Variants in KNL1 observed in about 807,000 individuals in gnomAD.
KNL1 encodes the protein kinetochore scaffold 1.
A neutral mutation model predicts 201.3 loss-of-function variants in KNL1; 66 were observed. The observed-to-expected ratio is 0.33, with a 90% CI of 0.27 to 0.40. The LOEUF (loss-of-function observed/expected upper bound fraction) is 0.40. Ranked by LOEUF, KNL1 falls within the 10% of genes least tolerant of loss-of-function variation. The probability of loss-of-function intolerance (pLI) is 1.00; values close to 1 mark genes in which losing one functional copy is unlikely to be tolerated. For synonymous variants in KNL1, 895 were observed against 899.2 expected, an observed-to-expected ratio of 1.00 and a Z score of 0.08; for missense variants, 2,815 against 2,690.5, an observed-to-expected ratio of 1.05 and a Z score of -1.02.
At chr15:40,609,244 CAAAA>C (rs35081212) in intron 5 of KNL1, among the ~76,000 whole-genome samples, 1 of 52,126 alleles carries the variant, frequency 1.9e-5, no homozygotes. Context: ...CCCATCTCTA[CAAAA>C]AAAAAAAAAA....
intron 14 of KNL1, among the ~76,000 whole-genome samples, chr15:40,643,996 G>A (rs1050472641): frequency 6.6e-6 from 1 of 152,132 alleles, no homozygotes; most frequent in African/African-American, 2.4e-5. Context: ...ATTTCTAGTC[G>A]GATGGGACGA....
intron 8 of KNL1, among the ~76,000 whole-genome samples, chr15:40,616,308 G>A (rs976113889): frequency 3.3e-5 from 5 of 150,864 alleles, no homozygotes; most frequent in Admixed American, 6.6e-5. Context: ...TGTATTTTTA[G>A]TAGAGACAGG....
At chr15:40,650,619 C>T (rs1176376449) in intron 19 of KNL1, 36 bp downstream of exon 19, 1 of 1,518,444 alleles carries the variant, frequency 6.6e-7, no homozygotes, top group Non-Finnish European at 8.8e-7. Context: ...AAATATAATG[C>T]TAAATCACAG....
At chr15:40,629,169 A>G (rs2141731846) in intron 12 of KNL1, 104 bp from the exon 13 acceptor site, 1 of 591,240 alleles carries the variant, frequency 1.7e-6, no homozygotes. Flanking sequence ...TAATATTTCC[A>G]TAAATGTATA....
rs760169073 is a variant in KNL1 at position 40,662,171 on chromosome 15, T to G, written c.6934T>G (p.Cys2312Gly). ...KQIYQDLFQD[C>G]HFYH ...AATTTACCAAGATCTGTTTCAGGAC[T>G]GCCATTTCTACCACTAGACCCTTGG... is the stretch of plus-strand genomic sequence containing the variant. Residue 2312 changes from cysteine to glycine, a missense_variant, in exon 26 of 26, where the codon TGC (cysteine) becomes GGC (glycine). Cys to Gly is a radical substitution (Grantham distance 159). Around this residue, in one of 3 missense-constraint regions of KNL1, gnomAD observed 334 missense variants for 362.6 expected, o/e 0.92. Transcript: ENST00000399668. The G allele has an allele frequency of 1.2e-6, 2 of 1,602,728 alleles. No individual in the cohort carries two copies. The highest frequency in any genetic ancestry group is 4.5e-5 in the East Asian group (2 of 44,840).
Position 40,623,796 on chromosome 15 carries a change from G to A in KNL1, c.3532G>A (p.Ala1178Thr). Reference protein sequence around the residue: ...DSHTVFIDCQATEKILEENPK... With the variant: ...DSHTVFIDCQTTEKILEENPK... Reference sequence around the variant, plus strand: ...CCATACTGTTTTCATTGACTGTCAAGCCACAGAGAAAATACTTGAAGAAAA... The same window carrying A: ...CCATACTGTTTTCATTGACTGTCAAACCACAGAGAAAATACTTGAAGAAAA... The change falls in exon 10 of 26, where the codon GCC becomes ACC. Residue 1178 changes from alanine (A) to threonine (T), a missense_variant. Transcript: ENST00000399668. The A allele has an allele frequency of 6.2e-7, 1 of 1,613,752 alleles. No individual in the cohort carries two copies. The highest frequency in any genetic ancestry group is 1.3e-5 in the African/African-American group (1 of 74,984).
chr15:40,611,412 T>G (rs761796516), intron 6 of KNL1, 66 bp from the exon 7 acceptor site: 2 of 182,874 alleles, frequency 1.1e-5, no homozygotes, highest in South Asian at 1.7e-4. Context: ...CAGCTGTCCT[T>G]AAGTAATTTT....
chr15:40,619,102 A>ACTG, intron 9 of KNL1, 91 bp downstream of exon 9: 1 of 905,902 alleles, frequency 1.1e-6, no homozygotes, highest in South Asian at 1.4e-5. Flanking sequence ...TAGTTTAGGG[A>ACTG]TGACTTAAAA....
intron 19 of KNL1, 57 bp downstream of exon 19, chr15:40,650,640 G>T: frequency 6.9e-7 from 1 of 1,442,610 alleles, no homozygotes; most frequent in South Asian, 1.4e-5. Flanking sequence ...AAGGCTAGAT[G>T]ACTTCCTGCC....
chr15:40,613,250 AGC>A (rs1004515242), intron 7 of KNL1, among the ~76,000 whole-genome samples: 8 of 151,758 alleles, frequency 5.3e-5, no homozygotes, highest in Non-Finnish European at 1.2e-4. Context: ...GAAGAAGAAA[AGC>A]GTGTGTGTGT....
chr15:40,631,087 C>T (rs1391205744), intron 13 of KNL1, among the ~76,000 whole-genome samples: 1 of 151,962 alleles, frequency 6.6e-6, no homozygotes, highest in Admixed American at 6.6e-5. Context: ...CACTGCACTC[C>T]AGCCTAGGCA....
intron 25 of KNL1, among the ~76,000 whole-genome samples, chr15:40,661,669 C>G (rs1177184288): frequency 6.6e-6 from 1 of 152,164 alleles, no homozygotes; most frequent in Non-Finnish European, 1.5e-5. Context: ...CAGAAATGCT[C>G]ATTTGTGCTT....
Position 40,664,321 on chromosome 15 carries a change from A to G in KNL1, c.*2133A>G, listed in dbSNP as rs1893994403. The G allele has an allele frequency of 5.8e-6, 1 of 171,696 alleles. No homozygotes were observed. Among genetic ancestry groups the G allele is most frequent in the South Asian group, 2.0e-4 (1 of 4,986 alleles). The allele number at this position is 171,696 out of a possible 1,614,324, so 10.6% of individuals were successfully genotyped here. ...AAAGCAGATTACATTTTGCACTATT[A>G]AAATAAGTTTATTACTTTAAATCTT... On this transcript the variant is annotated 3_prime_UTR_variant, in exon 26 of 26. Transcript: ENST00000399668.
intron 2 of KNL1, among the ~76,000 whole-genome samples, chr15:40,604,025 A>G (rs896021191): frequency 2.0e-5 from 3 of 151,914 alleles, no homozygotes; most frequent in African/African-American, 7.3e-5. Flanking sequence ...TTTGCCCCAG[A>G]CCTGTTTTAG....
chr15:40,616,354 T>G (rs2141713983), intron 8 of KNL1, among the ~76,000 whole-genome samples: 1 of 149,340 alleles, frequency 6.7e-6, no homozygotes, highest in East Asian at 2.0e-4. Flanking sequence ...CTCAAACTCC[T>G]GACCTCAGGT....
intron 1 of KNL1, among the ~76,000 whole-genome samples, chr15:40,598,170 G>C (rs1423708840): frequency 1.4e-5 from 2 of 142,160 alleles, no homozygotes; most frequent in African/African-American, 5.2e-5. Context: ...GGGAAACTCC[G>C]TCTCAAAAAA....
intron 21 of KNL1, among the ~76,000 whole-genome samples, chr15:40,652,455 CTTTT>C (rs35374662): frequency 8.3e-6 from 1 of 120,064 alleles, no homozygotes. Context: ...GCTGGAGATT[CTTTT>C]TTTTTTTTTT....
intron 13 of KNL1, among the ~76,000 whole-genome samples, chr15:40,636,681 A>G (rs1228860649): frequency 1.3e-5 from 2 of 152,076 alleles, no homozygotes; most frequent in Non-Finnish European, 2.9e-5. Context: ...AAATACTAAA[A>G]TTAGCTGAGA....
At position 40,623,209 on chromosome 15, in the gene KNL1, G is replaced by T; in HGVS notation, c.2945G>T (p.Ser982Ile). The change falls in exon 10 of 26, where the codon AGC (serine) becomes ATC (isoleucine). Residue 982 changes from serine to isoleucine, a missense_variant. Transcript: ENST00000399668. The stretch of plus-strand genomic sequence containing the variant: ...AACTTTGAACTATCCCAAAGGAAAA[G>T]CCTAGGAACACCAACAGTGATATGT... ...RPNFELSQRKSLGTPTVICTP... is the reference protein window; with the variant it reads ...RPNFELSQRKILGTPTVICTP... The T allele has an allele frequency of 6.2e-7, 1 of 1,613,950 alleles. No homozygotes were observed. The highest frequency in any genetic ancestry group is 1.3e-5 in the African/African-American group (1 of 75,042).
Sources: allele counts gnomAD v4.1 joint callset (sites outside exome capture counted in the v4.1 genomes callset), GRCh38; gene constraint gnomAD v4.1.1; regional missense constraint gnomAD v4.1.1; transcripts MANE v1.5; gene names NCBI Gene and HGNC (gene_info 2026-07-23, HGNC 2026-07-21).